RIN3: variants seen among roughly 807,000 people sequenced by gnomAD.
RIN3 encodes RAB5 interacting protein 3.
RIN3 carries 54 observed loss-of-function variants against 76.3 expected under a neutral mutation model. The observed-to-expected ratio is 0.71, with a 90% CI of 0.57 to 0.89. The LOEUF is 0.89. Ranked by LOEUF, RIN3 falls within the 40% of genes least tolerant of loss-of-function variation. RIN3 has a pLI of 0.00. For synonymous variants in RIN3, 576 were observed against 564.0 expected, an observed-to-expected ratio of 1.02 and a Z score of -0.30; for missense variants, 1,256 against 1,322.1, an observed-to-expected ratio of 0.95 and a Z score of 0.78.
Position 92,596,240 on chromosome 14 carries a change from A to G in RIN3, c.367+18763A>G, listed in dbSNP as rs145486217. Among the ~76,000 whole-genome samples, 214 of 152,290 alleles carry G rather than the reference A, an allele frequency of 1.4e-3. 1 individual carries two copies. The highest frequency in any genetic ancestry group is 5.0e-3 in the African/African-American group (206 of 41,556). ...AAGTAGGATCCCCCAGGTGAGACCAATTCCCCAATAACTAGGTCATGAAAT... is the reference window on the plus strand; with the variant it reads ...AAGTAGGATCCCCCAGGTGAGACCAGTTCCCCAATAACTAGGTCATGAAAT... On this transcript the variant is annotated intron_variant, in intron 3 of 9. Transcript: ENST00000216487.
intron 4 of RIN3, among the ~76,000 whole-genome samples, chr14:92,619,575 G>T (rs1886100262): frequency 6.6e-6 from 1 of 151,600 alleles, no homozygotes; most frequent in Non-Finnish European, 1.5e-5. Context: ...GAGCAGCTGG[G>T]ACTACAAGCG....
chr14:92,610,397 G>A (rs2140098301), intron 3 of RIN3, among the ~76,000 whole-genome samples: 1 of 152,156 alleles, frequency 6.6e-6, no homozygotes, highest in Non-Finnish European at 1.5e-5. Context: ...GCCCATTCTG[G>A]ATCTTAACAC....
rs1310838346 is a variant in RIN3, at chr14:92,656,945, G to A, written c.2027-2216G>A. Among the ~76,000 whole-genome samples, 1 of 152,234 alleles carries A rather than the reference G, an allele frequency of 6.6e-6. No homozygotes were observed. Among genetic ancestry groups the A allele is most frequent in the Non-Finnish European group, 1.5e-5 (1 of 68,048 alleles). On this transcript the variant is annotated intron_variant, in intron 6 of 9. Transcript: ENST00000216487. This position sits in a 1 kb window ranked among gnomAD's most constrained non-coding sequence, Gnocchi z 5.2. The stretch of plus-strand genomic sequence containing the variant: ...AGGACAGAGCTGGTAGTAGAGCTGG[G>A]CTTCAGACCCAGGCAGCCCAGCCCT...
intron 4 of RIN3, among the ~76,000 whole-genome samples, chr14:92,635,896 G>A (rs1201877408): frequency 6.6e-6 from 1 of 152,124 alleles, no homozygotes; most frequent in African/African-American, 2.4e-5. Context: ...GAAAGATGAT[G>A]TGCTCAATTC....
At chr14:92,536,545 C>T (rs1897003040) in intron 1 of RIN3, among the ~76,000 whole-genome samples, 1 of 152,044 alleles carries the variant, frequency 6.6e-6, no homozygotes, top group Admixed American at 6.6e-5. Context: ...AGATCGAGAT[C>T]ATCCTGGCCA....
At position 92,514,999 on chromosome 14, in the gene RIN3, C is replaced by T. The variant is rs1196823470; in HGVS notation, c.44+1023C>T. ...GACCTCATCTCCCAGGCCCTCAGTT[C>T]TCTGCTCTGTGAAACAGGAGAGTTG... On this transcript the variant is annotated intron_variant, in intron 1 of 9. Coordinates refer to ENST00000216487, the MANE Select transcript of RIN3 (RefSeq NM_024832.5). The surrounding 1 kb of genome is among the most constrained non-coding windows in gnomAD (Gnocchi z 7.2). Among the ~76,000 whole-genome samples, 1 of 152,194 alleles carries T rather than the reference C, an allele frequency of 6.6e-6. No homozygotes were observed. Among genetic ancestry groups the T allele is most frequent in the Non-Finnish European group, 1.5e-5 (1 of 68,032 alleles).
At position 92,688,161 on chromosome 14, in the gene RIN3, T is replaced by TC; in HGVS notation, c.2869dup (p.His957ProfsTer107). 3.7e-6 allele frequency: 6 copies of TC among 1,609,716 alleles called. No homozygotes were observed. The highest frequency in any genetic ancestry group is 4.2e-6 in the Non-Finnish European group (5 of 1,178,784). On this transcript the variant is annotated frameshift_variant, in exon 10 of 10. Transcript: ENST00000216487. LOFTEE classifies it high-confidence loss of function. ...CTGCGCAGCGAGCCCAAGCGCGACT[T>TC]CCACTTTGTCTACCGGCCCCTGGAC...
rs200742177 is a variant in RIN3 at position 92,663,197 on chromosome 14, T to TGTGG, written c.2335+3728_2335+3729insGTGG. On this transcript the variant is annotated intron_variant, in intron 7 of 9. Coordinates refer to ENST00000216487, the MANE Select transcript of RIN3 (RefSeq NM_024832.5). Reference sequence around the variant, plus strand: ...AAGTATATCTACATTGTGGAATGACTAAAGCTAGCGTCATCTCACATAGTT... The same window carrying TGTGG: ...AAGTATATCTACATTGTGGAATGACTGTGGAAAGCTAGCGTCATCTCACATAGTT... Among the ~76,000 whole-genome samples the TGTGG allele has an allele frequency of 7.9e-4, 120 of 152,374 alleles. No individual in the cohort carries two copies. In the East Asian group the frequency reaches 0.021, roughly 27 times the overall value.
In RIN3 at chr14:92,557,588, A is replaced by G. The variant is rs986679917; in HGVS notation, c.249+1633A>G. Among the ~76,000 whole-genome samples, 8 of 152,218 alleles carry G rather than the reference A, an allele frequency of 5.3e-5. No individual in the cohort carries two copies. The East Asian group carries it at 1.3e-3, about 26-fold the overall frequency. On this transcript the variant is annotated intron_variant, in intron 2 of 9. Transcript: ENST00000216487. ...GTACCTGAAAATCGGAATTACTAGA[A>G]CTTATGGGGCCTTCTGCAAAGTCCT... is the stretch of plus-strand genomic sequence containing the variant.
intron 3 of RIN3, among the ~76,000 whole-genome samples, chr14:92,582,442 C>CTTTTTTTTT (rs35072092): frequency 3.4e-5 from 4 of 117,566 alleles, no homozygotes; most frequent in Non-Finnish European, 6.7e-5. Flanking sequence ...TCCTTTTTTA[C>CTTTTTTTTT]TTTTTTTTTT....
intron 4 of RIN3, among the ~76,000 whole-genome samples, chr14:92,631,251 T>A (rs748734823): frequency 3.3e-5 from 5 of 152,306 alleles, no homozygotes; most frequent in Non-Finnish European, 5.9e-5. Flanking sequence ...AGCCTGTTCC[T>A]GGAGCTTATT....
intron 3 of RIN3, among the ~76,000 whole-genome samples, chr14:92,592,949 C>T (rs1485346255): frequency 7.2e-5 from 11 of 152,048 alleles, no homozygotes; most frequent in Non-Finnish European, 1.5e-4. Context: ...GCTGGGATTA[C>T]AGGCATGAGC....
intron 2 of RIN3, among the ~76,000 whole-genome samples, chr14:92,561,278 C>T (rs1897771802): frequency 6.6e-6 from 1 of 151,122 alleles, no homozygotes; most frequent in Admixed American, 6.6e-5. Context: ...TTCATTGTGT[C>T]TAGCGCTGGT....
intron 8 of RIN3, among the ~76,000 whole-genome samples, chr14:92,677,191 A>G (rs1888498323): frequency 6.6e-6 from 1 of 152,112 alleles, no homozygotes; most frequent in African/African-American, 2.4e-5. Flanking sequence ...TGTGCTCCCC[A>G]ATAGGATGAA....
At chr14:92,524,053 G>C (rs1896663707) in intron 1 of RIN3, among the ~76,000 whole-genome samples, 1 of 152,154 alleles carries the variant, frequency 6.6e-6, no homozygotes, top group Admixed American at 6.5e-5. Flanking sequence ...AATGAGCTGG[G>C]CATGGTGGTG....
intron 4 of RIN3, among the ~76,000 whole-genome samples, chr14:92,622,478 A>C (rs1886216382): frequency 6.6e-6 from 1 of 152,254 alleles, no homozygotes; most frequent in Non-Finnish European, 1.5e-5. Context: ...AAGTGAACCC[A>C]GCACTCAGGC....
At chr14:92,570,902 G>A (rs1898047218) in intron 2 of RIN3, among the ~76,000 whole-genome samples, 1 of 152,220 alleles carries the variant, frequency 6.6e-6, no homozygotes, top group Admixed American at 6.5e-5. Context: ...TACAACCTAG[G>A]AAGATTACTT....
Position 92,676,460 on chromosome 14 carries a change from C to T in RIN3, c.2336-15C>T, listed in dbSNP as rs1346525270. The T allele has an allele frequency of 6.2e-7, 1 of 1,612,122 alleles. No homozygotes were observed. The highest frequency in any genetic ancestry group is 1.3e-5 in the African/African-American group (1 of 74,882). ...GCCTGGAACTCATCTCCCTCTGCCT[C>T]CTTCTTCTTCCCAGGGAAGCCCTAT... On this transcript the variant is annotated splice_polypyrimidine_tract_variant and intron_variant, in intron 7 of 9. Coordinates refer to ENST00000216487, the MANE Select transcript of RIN3 (RefSeq NM_024832.5).
intron 7 of RIN3, among the ~76,000 whole-genome samples, chr14:92,661,754 CACACAA>C (rs1408719872): frequency 4.6e-4 from 61 of 133,574 alleles, no homozygotes; most frequent in African/African-American, 1.3e-3. Flanking sequence ...CACACACACA[CACACAA>C]AAAATAGAAT....
Sources: gnomAD v4.1 joint callset for allele counts (sites outside exome capture counted in the v4.1 genomes callset) on GRCh38, gnomAD v4.1.1 for gene constraint, Gnocchi (gnomAD v3.1) non-coding constraint, MANE v1.5 for transcripts, NCBI Gene and HGNC (gene_info 2026-07-23, HGNC 2026-07-21) for gene names.